Variants in RIMBP2 observed in about 807,000 individuals in gnomAD.
RIMBP2 encodes RIMS binding protein 2.
A neutral mutation model predicts 118.6 loss-of-function variants in RIMBP2; 48 were observed. That is an observed-to-expected ratio of 0.40 (90% CI 0.32 to 0.51). RIMBP2 has a LOEUF of 0.51. Ranked by LOEUF, RIMBP2 falls within the 20% of genes least tolerant of loss-of-function variation. The probability of loss-of-function intolerance (pLI) is 0.41; values close to 1 mark genes in which losing one functional copy is unlikely to be tolerated. For synonymous variants in RIMBP2, 762 were observed against 742.9 expected (o/e 1.03, Z -0.42); for missense variants, 1,551 against 1,768.3 (o/e 0.88, Z 2.20).
intron 2 of RIMBP2, among the ~76,000 whole-genome samples, chr12:130,582,152 A>T (rs2058524615): frequency 6.6e-6 from 1 of 151,650 alleles, no homozygotes; most frequent in Admixed American, 6.6e-5. Context: ...TCTCCATAGC[A>T]CTCCCTACCT....
At chr12:130,674,099 C>T (rs2136473804) in intron 1 of RIMBP2, among the ~76,000 whole-genome samples, 2 of 152,220 alleles carry the variant, frequency 1.3e-5, no homozygotes, top group Admixed American at 1.3e-4. Context: ...GCCTGGGCGA[C>T]AGAGTGAGAC....
rs1026406091 is a variant in RIMBP2 at position 130,442,092 on chromosome 12, C to A, written c.1260G>T (p.Thr420=). 8 of 1,614,012 alleles carry A rather than the reference C, an allele frequency of 5.0e-6. No homozygotes were observed. Among genetic ancestry groups the A allele is most frequent in the Admixed American group, 1.7e-5 (1 of 60,006 alleles). The change falls in exon 11 of 23, where the codon ACG becomes ACT. Residue 420 remains threonine (T), a synonymous_variant. Transcript: ENST00000690449. The surrounding 1 kb of genome is among the most constrained non-coding windows in gnomAD (Gnocchi z 6.9). The part of the protein sequence containing the change: ...APSHLRVDNI[T]QISAQLSWLP... Reference sequence around the variant, plus strand: ...GCCAGGAGAGCTGGGCGGAGATCTGCGTGATGTTGTCCACCCGCAGGTGGG... The same window carrying A: ...GCCAGGAGAGCTGGGCGGAGATCTGAGTGATGTTGTCCACCCGCAGGTGGG...
intron 1 of RIMBP2, among the ~76,000 whole-genome samples, chr12:130,690,123 T>G (rs1274453561): frequency 6.6e-6 from 1 of 152,158 alleles, no homozygotes; most frequent in African/African-American, 2.4e-5. Flanking sequence ...CAAGTCCTCC[T>G]CCTGCCTCTG....
In RIMBP2 at chr12:130,450,322, T is replaced by C; in HGVS notation, c.505-46A>G. 7.0e-7 allele frequency: 1 copy of C among 1,422,870 alleles called. No individual in the cohort carries two copies. The highest frequency in any genetic ancestry group is 9.8e-7 in the Non-Finnish European group (1 of 1,018,540). The allele number at this position is 1,422,870 out of a possible 1,614,324, so 88.1% of individuals were successfully genotyped here. A position where few individuals can be genotyped will look rare whatever the true frequency, so the allele number is the denominator to read the frequency against. ...GTGTGGGTTATTGAAGCTGGAGGTG[T>C]CCCACCCCATTCCCGCGGCACACGG... On this transcript the variant is annotated intron_variant, in intron 8 of 22. Coordinates refer to ENST00000690449, the MANE Select transcript of RIMBP2 (RefSeq NM_001393629.1). The surrounding 1 kb of genome is among the most constrained non-coding windows in gnomAD (Gnocchi z 4.8).
At chr12:130,616,232 A>T (rs7974363) in intron 2 of RIMBP2, among the ~76,000 whole-genome samples, 4 of 152,114 alleles carry the variant, frequency 2.6e-5, no homozygotes, top group African/African-American at 7.2e-5. Context: ...CACATGCCAC[A>T]TTCTGTCTCC....
At chr12:130,483,675 ACCTAGACACAGTGCCCGGAGCCCCCAT>A (rs1261971830) in intron 4 of RIMBP2, among the ~76,000 whole-genome samples, 286 of 130,244 alleles carry the variant, frequency 2.2e-3, no homozygotes, top group African/African-American at 8.6e-3. Flanking sequence ...CCCCGTCCCC[ACCTAGACACAGTGCCCGGAGCCCCCAT>A]CCCTCACCTA....
chr12:130,554,939 C>T (rs1038669726), intron 2 of RIMBP2, among the ~76,000 whole-genome samples: 49 of 152,090 alleles, frequency 3.2e-4, no homozygotes, highest in Admixed American at 4.6e-4. Context: ...GGAAAGGCAA[C>T]GTTGAACAGC....
At position 130,399,908 on chromosome 12, in the gene RIMBP2, A is replaced by G. The variant is rs183360587; in HGVS notation, c.3766-95T>C. ...GGAATACAGCTCAGAGTACAGGTACATGGTGAGTTTATTCTGGTTCAAAAG... is the reference window on the plus strand; with the variant it reads ...GGAATACAGCTCAGAGTACAGGTACGTGGTGAGTTTATTCTGGTTCAAAAG... On this transcript the variant is annotated intron_variant, in intron 21 of 22. Transcript: ENST00000690449. The G allele has an allele frequency of 3.5e-3, 4,827 of 1,377,128 alleles. 21 individuals are homozygous for G. Among genetic ancestry groups the G allele is most frequent in the South Asian group, 7.1e-3 (554 of 78,052 alleles). The allele number at this position is 1,377,128 out of a possible 1,614,324, so 85.3% of individuals were successfully genotyped here. A position where few individuals can be genotyped will look rare whatever the true frequency, so the allele number is the denominator to read the frequency against.
At chr12:130,489,345 A>G (rs2048410063) in intron 4 of RIMBP2, among the ~76,000 whole-genome samples, 1 of 152,144 alleles carries the variant, frequency 6.6e-6, no homozygotes, top group South Asian at 2.1e-4. Context: ...ACCCCAGCCT[A>G]GATCTCACCT....
At chr12:130,565,670 C>T (rs1312391562) in intron 2 of RIMBP2, among the ~76,000 whole-genome samples, 2 of 152,140 alleles carry the variant, frequency 1.3e-5, no homozygotes, top group African/African-American at 4.8e-5. Context: ...ACTCCTTGTC[C>T]CCTCTTTTTA....
intron 1 of RIMBP2, among the ~76,000 whole-genome samples, chr12:130,677,871 C>A (rs1355375144): frequency 1.3e-5 from 2 of 152,246 alleles, no homozygotes; most frequent in Admixed American, 1.3e-4. Flanking sequence ...CACATTACAC[C>A]TCGTTACCAT....
intron 3 of RIMBP2, among the ~76,000 whole-genome samples, chr12:130,515,702 A>ATTTTTTTTTTTTTTTTTTTTTT (rs34092889): frequency 6.7e-6 from 1 of 149,572 alleles, no homozygotes; most frequent in Non-Finnish European, 1.5e-5. Context: ...CTCCTTTTCA[A>ATTTTTTTTTTTTTTTTTTTTTT]TTTTTTTTTT....
At chr12:130,427,248 G>A (rs73150893) in intron 15 of RIMBP2, 6,040 of 152,294 alleles carry the variant, frequency 0.04, 189 homozygotes, top group Middle Eastern at 0.071. Context: ...GCTTCGTCCC[G>A]GGGGATTTCC....
chr12:130,478,898 T>C lies in RIMBP2; in HGVS notation c.102+14A>G. On this transcript the variant is annotated intron_variant, in intron 5 of 22. Transcript: ENST00000690449. ...CCCTGCCTCGCACGCCGCGCCCGGCTGCCCGCCGCTTACCTTCTGCAGAAG... is the reference window on the plus strand; with the variant it reads ...CCCTGCCTCGCACGCCGCGCCCGGCCGCCCGCCGCTTACCTTCTGCAGAAG... The C allele has an allele frequency of 6.2e-7, 1 of 1,602,726 alleles. No homozygotes were observed. Among genetic ancestry groups the C allele is most frequent in the Non-Finnish European group, 8.5e-7 (1 of 1,171,728 alleles).
intron 9 of RIMBP2, 36 bp from the exon 10 acceptor site, chr12:130,445,305 T>G: frequency 1.7e-5 from 26 of 1,494,268 alleles, no homozygotes; most frequent in Non-Finnish European, 2.2e-5. Context: ...TTAGAGGCTC[T>G]GGAGGACACA....
At chr12:130,668,584 C>A (rs529041192) in intron 1 of RIMBP2, 6 of 152,374 alleles carry the variant, frequency 3.9e-5, no homozygotes, top group African/African-American at 1.4e-4. Flanking sequence ...AAAGAACACT[C>A]GGGGGCCATA....
intron 4 of RIMBP2, among the ~76,000 whole-genome samples, chr12:130,480,120 C>G (rs2081833774): frequency 1.3e-5 from 2 of 151,904 alleles, no homozygotes; most frequent in South Asian, 4.2e-4. Flanking sequence ...GAAAACATTT[C>G]CTGGGGTCCC....
intron 1 of RIMBP2, among the ~76,000 whole-genome samples, chr12:130,691,191 C>T (rs77044892): frequency 0.038 from 5,817 of 152,210 alleles, 378 homozygotes; most frequent in African/African-American, 0.13. Flanking sequence ...CCTACAGTAA[C>T]TCCACACCAG....
chr12:130,480,576 GA>G (rs2081902093), intron 4 of RIMBP2, among the ~76,000 whole-genome samples: 1 of 152,148 alleles, frequency 6.6e-6, no homozygotes, highest in Admixed American at 6.5e-5. Flanking sequence ...CAATTCCATT[GA>G]TTTTTAGCCT....
Sources: allele counts gnomAD v4.1 joint callset (sites outside exome capture counted in the v4.1 genomes callset), GRCh38; gene constraint gnomAD v4.1.1; non-coding constraint Gnocchi (gnomAD v3.1); transcripts MANE v1.5; gene names NCBI Gene and HGNC (gene_info 2026-07-23, HGNC 2026-07-21).